Variants in SH3BP5 observed in about 807,000 individuals in gnomAD.
SH3BP5 encodes the protein SH3 domain-binding protein 5.
In SH3BP5, 22 loss-of-function variants were observed where a neutral mutation model predicts 43.3. That is an observed-to-expected ratio of 0.51 (90% CI 0.36 to 0.73). The LOEUF is 0.73. Among genes scored for constraint, SH3BP5 ranks in the 30% least tolerant of loss-of-function variants. The pLI is 0.00. For missense variants in SH3BP5, 529 were observed against 586.9 expected (o/e 0.90, Z 1.02); for synonymous variants, 255 against 225.8 (o/e 1.13, Z -1.16).
chr3:15,311,660 G>A (rs1052892480), intron 2 of SH3BP5, among the ~76,000 whole-genome samples: 5 of 151,996 alleles, frequency 3.3e-5, no homozygotes, highest in Admixed American at 1.3e-4. Flanking sequence ...GATGTAAGCA[G>A]ACATCTTCAG....
At chr3:15,312,596 T>C (rs2125122809) in intron 2 of SH3BP5, among the ~76,000 whole-genome samples, 1 of 152,338 alleles carries the variant, frequency 6.6e-6, no homozygotes, top group African/African-American at 2.4e-5. Context: ...TCAATAAGAA[T>C]GAAGCAGTTG....
At chr3:15,293,615 G>C (rs1559443649) in intron 3 of SH3BP5, among the ~76,000 whole-genome samples, 1 of 152,176 alleles carries the variant, frequency 6.6e-6, no homozygotes, top group Non-Finnish European at 1.5e-5. Flanking sequence ...CCTCAGATGT[G>C]CCAGAGTGTC....
At chr3:15,256,550 G>T (rs1489496027) in intron 8 of SH3BP5, 4 of 593,916 alleles carry the variant, frequency 6.7e-6, no homozygotes, top group East Asian at 5.6e-5. Flanking sequence ...CTATAGAGAT[G>T]AAATTTGCCA....
chr3:15,273,098 A>G, intron 3 of SH3BP5: 2 of 983,268 alleles, frequency 2.0e-6, no homozygotes, highest in Non-Finnish European at 2.4e-6. Flanking sequence ...CCCCCTACCC[A>G]TAGGTGGCCT....
At chr3:15,282,259 TA>T (rs1697151892) in intron 3 of SH3BP5, among the ~76,000 whole-genome samples, 1 of 152,158 alleles carries the variant, frequency 6.6e-6, no homozygotes, top group Non-Finnish European at 1.5e-5. Flanking sequence ...AATACATAAT[TA>T]TACATAATTA....
At chr3:15,297,991 T>A (rs1475515776) in intron 3 of SH3BP5, among the ~76,000 whole-genome samples, 6 of 146,562 alleles carry the variant, frequency 4.1e-5, no homozygotes, top group Admixed American at 1.3e-4. Context: ...TTTTTTTTTT[T>A]AAAGAGCCAA....
intron 3 of SH3BP5, among the ~76,000 whole-genome samples, chr3:15,285,362 C>T (rs1014214397): frequency 7.9e-5 from 12 of 152,144 alleles, no homozygotes; most frequent in Non-Finnish European, 1.6e-4. Flanking sequence ...CATATGAACG[C>T]CATTCTCTCA....
At chr3:15,315,589 G>A (rs886067473) in intron 2 of SH3BP5, among the ~76,000 whole-genome samples, 7 of 152,072 alleles carry the variant, frequency 4.6e-5, no homozygotes, top group Non-Finnish European at 1.0e-4. Flanking sequence ...GGTTAACAAG[G>A]GTCTTGGACC....
At chr3:15,261,718 A>G (rs1696448322) in intron 5 of SH3BP5, among the ~76,000 whole-genome samples, 1 of 151,816 alleles carries the variant, frequency 6.6e-6, no homozygotes, top group African/African-American at 2.4e-5. Flanking sequence ...AAAAAACTCT[A>G]CTAAAGCCAG....
At chr3:15,315,074 C>T (rs754298491) in intron 2 of SH3BP5, among the ~76,000 whole-genome samples, 2 of 152,076 alleles carry the variant, frequency 1.3e-5, no homozygotes. Context: ...AGAGATGGCC[C>T]GGGTTCCTGA....
At chr3:15,332,205 C>A (rs888670448) in intron 1 of SH3BP5, 66 bp downstream of exon 1, 4 of 1,543,976 alleles carry the variant, frequency 2.6e-6, no homozygotes, top group Non-Finnish European at 3.5e-6. Context: ...TGGCTGTACG[C>A]GTAGACACCG....
At chr3:15,299,699 C>T (rs1372505731) in intron 3 of SH3BP5, among the ~76,000 whole-genome samples, 1 of 151,798 alleles carries the variant, frequency 6.6e-6, no homozygotes, top group African/African-American at 2.4e-5. Context: ...CAAGATCTCA[C>T]CATGTTGCCC....
intron 3 of SH3BP5, among the ~76,000 whole-genome samples, chr3:15,288,015 A>G (rs1462619723): frequency 1.3e-5 from 2 of 152,250 alleles, no homozygotes; most frequent in African/African-American, 4.8e-5. Context: ...GGCTCGTGCA[A>G]TTATGGAGGC....
chr3:15,256,707 C>A, intron 8 of SH3BP5, 146 bp downstream of exon 8: 1 of 964,878 alleles, frequency 1.0e-6, no homozygotes, highest in Non-Finnish European at 1.5e-6. Flanking sequence ...GAAACAACCT[C>A]AGTGATCAAT....
chr3:15,307,709 A>G (rs1178510093), intron 2 of SH3BP5, among the ~76,000 whole-genome samples: 1 of 152,250 alleles, frequency 6.6e-6, no homozygotes, highest in African/African-American at 2.4e-5. Context: ...CGGTGGACAT[A>G]ATAACCTGTT....
intron 6 of SH3BP5, chr3:15,259,276 A>C: frequency 1.7e-6 from 1 of 589,746 alleles, no homozygotes; most frequent in Non-Finnish European, 3.0e-6. Context: ...ATATCCAAAA[A>C]CTCTCACTGG....
rs535466973 is a variant in SH3BP5, at chr3:15,290,425, C to T, written c.330+13678G>A. Among the ~76,000 whole-genome samples the T allele has an allele frequency of 4.6e-4, 69 of 150,160 alleles. No homozygotes were observed. The South Asian group carries it at 5.2e-3, about 11-fold the overall frequency. On this transcript the variant is annotated intron_variant, in intron 3 of 8. Transcript: ENST00000383791. ...TCTGTAATCCCAGCTACTTGGGAGG[C>T]TGAGGCAGGAGAATTGCTTAAACCT... is the stretch of plus-strand genomic sequence containing the variant.
At chr3:15,330,881 C>A in intron 1 of SH3BP5, 4 of 274,062 alleles carry the variant, frequency 1.5e-5, no homozygotes, top group Non-Finnish European at 2.2e-5. Flanking sequence ...ATGGCCTAAT[C>A]AAAACAGTAC....
chr3:15,333,130 A>G (rs951936627), upstream of SH3BP5: 27 of 985,352 alleles, frequency 2.7e-5, no homozygotes, highest in African/African-American at 4.7e-4. Context: ...GCTGGGATTT[A>G]AGGAGGTGGC....
Sources: gnomAD v4.1 joint callset for allele counts (sites outside exome capture counted in the v4.1 genomes callset) on GRCh38, gnomAD v4.1.1 for gene constraint, MANE v1.5 for transcripts, NCBI Gene and HGNC (gene_info 2026-07-23, HGNC 2026-07-21) for gene names.